PCDH15: variants seen among roughly 807,000 people sequenced by gnomAD.
PCDH15 encodes protocadherin related 15.
A neutral mutation model predicts 178.5 loss-of-function variants in PCDH15; 129 were observed. The observed-to-expected ratio is 0.72, with a 90% CI of 0.63 to 0.84. PCDH15 has a LOEUF of 0.84. Ranked by LOEUF, PCDH15 falls within the 40% of genes least tolerant of loss-of-function variation. PCDH15 has a pLI of 0.00. For missense variants in PCDH15, 2,230 were observed against 2,099.9 expected (o/e 1.06, Z -1.21); for synonymous variants, 800 against 732.0 (o/e 1.09, Z -1.50).
chr10:55,543,341 G>T (rs1334140688), intron 2 of PCDH15, among the ~76,000 whole-genome samples: 1 of 148,428 alleles, frequency 6.7e-6, no homozygotes, highest in African/African-American at 2.5e-5. Flanking sequence ...TTCTACCTTA[G>T]AATTTTGTCT....
chr10:54,120,085 A>G (rs1198098598), intron 15 of PCDH15, among the ~76,000 whole-genome samples: 2 of 152,200 alleles, frequency 1.3e-5, no homozygotes, highest in Non-Finnish European at 2.9e-5. Flanking sequence ...GAAGACTTAC[A>G]AGCCAGGGGA....
At chr10:55,486,251 T>C (rs1840295888) in intron 2 of PCDH15, among the ~76,000 whole-genome samples, 1 of 151,664 alleles carries the variant, frequency 6.6e-6, no homozygotes, top group African/African-American at 2.4e-5. Flanking sequence ...GTTTTTAACC[T>C]AAAAAATAAA....
chr10:54,485,836 C>T (rs1017891536), intron 3 of PCDH15, among the ~76,000 whole-genome samples: 4 of 151,994 alleles, frequency 2.6e-5, no homozygotes, highest in African/African-American at 7.2e-5. Flanking sequence ...AATAAATTCT[C>T]GAGGCATAGC....
intron 3 of PCDH15, among the ~76,000 whole-genome samples, chr10:54,515,884 C>G (rs1589824946): frequency 1.3e-5 from 2 of 152,202 alleles, no homozygotes; most frequent in African/African-American, 4.8e-5. Context: ...CCCAGGCAAA[C>G]AGGGTCTGGA....
intron 3 of PCDH15, among the ~76,000 whole-genome samples, chr10:54,815,735 T>A (rs1179963717): frequency 6.6e-6 from 1 of 152,096 alleles, no homozygotes; most frequent in African/African-American, 2.4e-5. Flanking sequence ...GTGGAATTGC[T>A]TAATATATGC....
intron 1 of PCDH15, among the ~76,000 whole-genome samples, chr10:55,236,681 T>C (rs990393312): frequency 2.0e-5 from 3 of 152,020 alleles, no homozygotes; most frequent in African/African-American, 4.8e-5. Context: ...CATTCAAAAG[T>C]TGGCGTTTTC....
rs770691111 is a variant in PCDH15 at position 53,822,359 on chromosome 10, A to C, written c.4368-2129T>G. On this transcript the variant is annotated intron_variant, in intron 32 of 37. Coordinates refer to ENST00000644397, the MANE Select transcript of PCDH15 (RefSeq NM_001384140.1). ...GTGGAAAAAATGTAGGAGGAGGAAG[A>C]GGAAGAGGGATAGAAGGAGGAGAGG... 8.2e-6 allele frequency: 13 copies of C among 1,579,582 alleles called. No individual in the cohort carries two copies. Among genetic ancestry groups the C allele is most frequent in the Non-Finnish European group, 1.1e-5 (13 of 1,161,472 alleles).
chr10:54,547,596 C>T (rs948467574), intron 2 of PCDH15, among the ~76,000 whole-genome samples: 3 of 152,068 alleles, frequency 2.0e-5, no homozygotes, highest in African/African-American at 7.2e-5. Flanking sequence ...TAGGTTAATC[C>T]ATACTGATGT....
intron 2 of PCDH15, among the ~76,000 whole-genome samples, chr10:55,140,684 T>A (rs143300571): frequency 6.6e-6 from 1 of 152,140 alleles, no homozygotes; most frequent in Admixed American, 6.5e-5. Flanking sequence ...TATGGACAAT[T>A]GATATCAATT....
chr10:54,512,831 T>C (rs1231771010), intron 3 of PCDH15, among the ~76,000 whole-genome samples: 3 of 152,122 alleles, frequency 2.0e-5, no homozygotes, highest in African/African-American at 2.4e-5. Context: ...TGTCATTTCA[T>C]GATGCACGTG....
chr10:55,226,432 ACTGCAACCCTGCAACC>A (rs71461288), intron 1 of PCDH15, among the ~76,000 whole-genome samples: 5 of 151,284 alleles, frequency 3.3e-5, no homozygotes, highest in African/African-American at 9.7e-5. Flanking sequence ...ATGTCGGCTC[ACTGCAACCCTGCAACC>A]CTGCAACCCT....
At chr10:54,131,260 G>A (rs1183533113) in intron 15 of PCDH15, among the ~76,000 whole-genome samples, 1 of 152,002 alleles carries the variant, frequency 6.6e-6, no homozygotes, top group Admixed American at 6.6e-5. Context: ...TTACATAAAG[G>A]CACATACTTG....
At chr10:54,357,959 A>G (rs1484449984) in intron 5 of PCDH15, among the ~76,000 whole-genome samples, 1 of 152,010 alleles carries the variant, frequency 6.6e-6, no homozygotes, top group Non-Finnish European at 1.5e-5. Flanking sequence ...CTGGCTAGCC[A>G]TATGGAGAAA....
At chr10:53,847,244 A>G (rs1480049041) in intron 28 of PCDH15, among the ~76,000 whole-genome samples, 1 of 152,096 alleles carries the variant, frequency 6.6e-6, no homozygotes, top group Admixed American at 6.6e-5. Context: ...AGAACTCTTC[A>G]GATTTCATGA....
At chr10:54,439,463 T>C (rs1401682655) in intron 3 of PCDH15, among the ~76,000 whole-genome samples, 2 of 152,084 alleles carry the variant, frequency 1.3e-5, no homozygotes, top group Non-Finnish European at 2.9e-5. Context: ...AGTTTTCTTA[T>C]GTGTGCTCTG....
intron 1 of PCDH15, among the ~76,000 whole-genome samples, chr10:55,213,107 C>T (rs558465386): frequency 5.3e-5 from 8 of 152,174 alleles, no homozygotes; most frequent in South Asian, 4.1e-4. Flanking sequence ...AACTGTGAGT[C>T]GCAATTTCTG....
intron 2 of PCDH15, among the ~76,000 whole-genome samples, chr10:55,528,815 A>G (rs569924422): frequency 4.6e-5 from 7 of 152,014 alleles, no homozygotes; most frequent in Non-Finnish European, 1.0e-4. Context: ...GACTTCCACA[A>G]TGGTTGAACT....
At chr10:54,572,138 A>C (rs1214486938) in intron 2 of PCDH15, among the ~76,000 whole-genome samples, 2 of 152,120 alleles carry the variant, frequency 1.3e-5, no homozygotes, top group Non-Finnish European at 2.9e-5. Context: ...AGGTATAATA[A>C]ATTTTACACC....
rs1159175085 is a variant in PCDH15 at position 54,134,300 on chromosome 10, C to A, written c.1785-1293G>T. Among the ~76,000 whole-genome samples the A allele has an allele frequency of 7.7e-5, 7 of 90,366 alleles. 1 individual carries two copies. The highest frequency in any genetic ancestry group is 2.3e-4 in the African/African-American group (7 of 30,822). 59.3% of individuals were successfully genotyped at this position (90,366 alleles called of 152,430 possible). On this transcript the variant is annotated intron_variant, in intron 14 of 37. Transcript: ENST00000644397. ...TCAGGTGATCCACCCTCCTCAACCT[C>A]CCAAAGTGCTGGGATAACAGGTATG...
Sources: allele counts gnomAD v4.1 joint callset (sites outside exome capture counted in the v4.1 genomes callset), GRCh38; gene constraint gnomAD v4.1.1; transcripts MANE v1.5; gene names NCBI Gene and HGNC (gene_info 2026-07-23, HGNC 2026-07-21).